The following ADAMTS6 variants were observed in gnomAD, a reference collection of about 807,000 sequenced individuals.
ADAMTS6 encodes ADAM metallopeptidase with thrombospondin type 1 motif 6.
ADAMTS6 carries 23 observed loss-of-function variants against 144.3 expected under a neutral mutation model. The observed-to-expected ratio is 0.16, with a 90% CI of 0.11 to 0.23. The LOEUF (loss-of-function observed/expected upper bound fraction) is 0.23, where lower values mean the gene tolerates loss of function less well. Ranked by LOEUF, ADAMTS6 falls within the 10% of genes least tolerant of loss-of-function variation. The pLI is 1.00. For synonymous variants in ADAMTS6, 444 were observed against 457.5 expected, an observed-to-expected ratio of 0.97 and a Z score of 0.38; for missense variants, 999 against 1,379.6, an observed-to-expected ratio of 0.72 and a Z score of 4.37.
chr5:65,403,722 C>T (rs556161895), intron 7 of ADAMTS6, among the ~76,000 whole-genome samples: 2 of 152,146 alleles, frequency 1.3e-5, no homozygotes, highest in African/African-American at 2.4e-5. Context: ...CAAGTTACCA[C>T]GTAAAAAAGT....
chr5:65,446,053 C>T (rs6449786), intron 7 of ADAMTS6, among the ~76,000 whole-genome samples: 59,495 of 151,908 alleles, frequency 0.39, 12,001 homozygotes, highest in South Asian at 0.44. Flanking sequence ...ATTCACACTT[C>T]GTATAAACCA....
intron 12 of ADAMTS6, among the ~76,000 whole-genome samples, chr5:65,267,099 T>C (rs541659981): frequency 1.4e-5 from 2 of 147,368 alleles, no homozygotes; most frequent in Non-Finnish European, 1.5e-5. Context: ...AATAATGAGA[T>C]TCTGAGTGTT....
At chr5:65,259,395 A>AACAG (rs1220092754) in intron 14 of ADAMTS6, among the ~76,000 whole-genome samples, 2 of 151,808 alleles carry the variant, frequency 1.3e-5, no homozygotes, top group African/African-American at 2.4e-5. Context: ...CAAACAAACA[A>AACAG]ACAAACAAAC....
intron 24 of ADAMTS6, among the ~76,000 whole-genome samples, chr5:65,168,284 A>T (rs1169894390): frequency 6.6e-6 from 1 of 151,892 alleles, no homozygotes; most frequent in Non-Finnish European, 1.5e-5. Flanking sequence ...CCCATTCACA[A>T]TTGCTTCAAA....
intron 11 of ADAMTS6, among the ~76,000 whole-genome samples, chr5:65,289,054 A>C (rs1251875552): frequency 6.6e-6 from 1 of 152,238 alleles, no homozygotes; most frequent in Non-Finnish European, 1.5e-5. Flanking sequence ...TAAACAAATA[A>C]CACAAGCATT....
Position 65,334,124 on chromosome 5 carries a change from G to A in ADAMTS6, c.1074-39C>T, listed in dbSNP as rs980222195. 6.0e-6 allele frequency: 9 copies of A among 1,491,682 alleles called. No individual in the cohort carries two copies. The Admixed American group carries it at 7.9e-5, about 13-fold the overall frequency. 92.4% of individuals were successfully genotyped at this position (1,491,682 alleles called of 1,614,324 possible). On this transcript the variant is annotated intron_variant, in intron 7 of 24. Coordinates refer to ENST00000381055, the MANE Select transcript of ADAMTS6 (RefSeq NM_197941.4). ...AGAGATGAAATTTGTAATCTGATCA[G>A]ATTTGTAACATATTTTTCTATATTC...
At chr5:65,358,140 T>G (rs1194160287) in intron 7 of ADAMTS6, among the ~76,000 whole-genome samples, 1 of 151,896 alleles carries the variant, frequency 6.6e-6, no homozygotes, top group Non-Finnish European at 1.5e-5. Context: ...CATGAGTAAA[T>G]GGGATTCATC....
At chr5:65,375,331 A>G (rs1463848100) in intron 7 of ADAMTS6, among the ~76,000 whole-genome samples, 2 of 151,994 alleles carry the variant, frequency 1.3e-5, no homozygotes, top group South Asian at 2.1e-4. Context: ...GAAACCTACA[A>G]AATGGGAGAA....
At chr5:65,161,141 T>C (rs1752747309) in intron 24 of ADAMTS6, among the ~76,000 whole-genome samples, 1 of 151,626 alleles carries the variant, frequency 6.6e-6, no homozygotes, top group Non-Finnish European at 1.5e-5. Flanking sequence ...CAAACTCAAG[T>C]GATCCTCCTA....
intron 24 of ADAMTS6, among the ~76,000 whole-genome samples, chr5:65,154,133 G>A (rs1368175801): frequency 9.9e-5 from 15 of 152,170 alleles, no homozygotes; most frequent in African/African-American, 3.6e-4. Flanking sequence ...ACTTGAACCC[G>A]GGAGGCGGAG....
chr5:65,207,337 G>A (rs1392079091), intron 20 of ADAMTS6, among the ~76,000 whole-genome samples: 1 of 152,062 alleles, frequency 6.6e-6, no homozygotes, highest in Non-Finnish European at 1.5e-5. Context: ...AGGACAGACT[G>A]TATATTTAGA....
intron 23 of ADAMTS6, 42 bp downstream of exon 23, chr5:65,172,789 CA>C (rs762494963): frequency 2.5e-5 from 39 of 1,591,712 alleles, no homozygotes; most frequent in Middle Eastern, 3.4e-4. Context: ...GTTTGTGTCT[CA>C]AGGTGCTATT....
intron 7 of ADAMTS6, among the ~76,000 whole-genome samples, chr5:65,369,640 C>A (rs1007576154): frequency 5.3e-5 from 8 of 151,784 alleles, no homozygotes; most frequent in African/African-American, 1.7e-4. Flanking sequence ...ATTCTAAGCA[C>A]TCATATAGCC....
chr5:65,386,593 G>A (rs777968700), intron 7 of ADAMTS6, among the ~76,000 whole-genome samples: 1 of 151,930 alleles, frequency 6.6e-6, no homozygotes, highest in African/African-American at 2.4e-5. Flanking sequence ...TTTTTGGTTG[G>A]TTGGTTGTTT....
intron 4 of ADAMTS6, among the ~76,000 whole-genome samples, chr5:65,453,830 T>C (rs1758956939): frequency 6.6e-6 from 1 of 152,196 alleles, no homozygotes; most frequent in South Asian, 2.1e-4. Flanking sequence ...TAGATTAATA[T>C]ATGATACACT....
chr5:65,302,172 T>C (rs1302848626), intron 9 of ADAMTS6, among the ~76,000 whole-genome samples: 5 of 144,622 alleles, frequency 3.5e-5, no homozygotes, highest in African/African-American at 1.0e-4. Context: ...ATTTATATGA[T>C]ATTATACATA....
chr5:65,451,750 A>T (rs1051932787), intron 6 of ADAMTS6, 130 bp from the exon 7 acceptor site: 1 of 1,064,870 alleles, frequency 9.4e-7, no homozygotes, highest in South Asian at 1.5e-5. Flanking sequence ...GCCAATTTTT[A>T]TCTCTGTAAT....
chr5:65,187,831 T>C (rs1315445697), intron 22 of ADAMTS6, among the ~76,000 whole-genome samples, 185 bp downstream of exon 22: 1 of 152,184 alleles, frequency 6.6e-6, no homozygotes, highest in Non-Finnish European at 1.5e-5. Context: ...TCTCGCTGAT[T>C]TCCCTTACCC....
chr5:65,327,064 TGCCTTCCTGGG>T lies in ADAMTS6; in HGVS notation c.1223+2303_1223+2313del, dbSNP rs535000542. Among the ~76,000 whole-genome samples the T allele has an allele frequency of 4.6e-5, 7 of 152,220 alleles. No homozygotes were observed. The South Asian group carries it at 1.0e-3, about 23-fold the overall frequency. ...GGCAGATCCCTCATAATTGGCTTGG[TGCCTTCCTGGG>T]GAGAATGAATGAATTCTTGCTCTAT... On this transcript the variant is annotated intron_variant, in intron 9 of 24. Coordinates refer to ENST00000381055, the MANE Select transcript of ADAMTS6 (RefSeq NM_197941.4).
Sources: gnomAD v4.1 joint callset for allele counts (sites outside exome capture counted in the v4.1 genomes callset) on GRCh38, gnomAD v4.1.1 for gene constraint, MANE v1.5 for transcripts, NCBI Gene and HGNC (gene_info 2026-07-23, HGNC 2026-07-21) for gene names.